REDIC1: variants seen among roughly 807,000 people sequenced by gnomAD.
REDIC1 encodes HEI10 Interacting Protein 1.
At chr12:39,861,575 C>T in the REDIC1 span, among the ~76,000 whole-genome samples, 1 of 151,822 alleles carries the variant, frequency 6.6e-6, no homozygotes, top group Non-Finnish European at 1.5e-5. Flanking sequence ...TTGGCTAGCT[C>T]TTATGAGAAA....
chr12:39,710,892 CT>C, the REDIC1 span, among the ~76,000 whole-genome samples: 1 of 149,614 alleles, frequency 6.7e-6, no homozygotes, highest in Non-Finnish European at 1.5e-5. Flanking sequence ...TTTCAGTATT[CT>C]TTTTTTTTAA....
the REDIC1 span, among the ~76,000 whole-genome samples, chr12:39,864,400 T>C: frequency 2.0e-5 from 3 of 152,226 alleles, no homozygotes; most frequent in African/African-American, 4.8e-5. Context: ...GTTTGATTAC[T>C]GATTAAAGTT....
the REDIC1 span, among the ~76,000 whole-genome samples, chr12:39,823,251 TG>T: frequency 6.6e-6 from 1 of 152,218 alleles, no homozygotes; most frequent in African/African-American, 2.4e-5. Context: ...AAATTTATGT[TG>T]GTAAAAATTA....
At chr12:39,714,054 T>C in the REDIC1 span, among the ~76,000 whole-genome samples, 1 of 9,002 alleles carries the variant, frequency 1.1e-4, no homozygotes, top group African/African-American at 1.9e-4. Flanking sequence ...CACATGTATA[T>C]ACACGTATGT....
At chr12:39,657,721 C>G in the REDIC1 span, among the ~76,000 whole-genome samples, 1 of 152,104 alleles carries the variant, frequency 6.6e-6, no homozygotes, top group African/African-American at 2.4e-5. Context: ...GTAGCACTTT[C>G]TCTCTCATTA....
At chr12:39,647,274 A>G in the REDIC1 span, among the ~76,000 whole-genome samples, 4 of 152,196 alleles carry the variant, frequency 2.6e-5, no homozygotes, top group African/African-American at 9.6e-5. Flanking sequence ...GTGGATCCCA[A>G]GATGATTTCT....
chr12:39,651,110 C>G, the REDIC1 span, among the ~76,000 whole-genome samples: 1 of 152,026 alleles, frequency 6.6e-6, no homozygotes, highest in Non-Finnish European at 1.5e-5. Context: ...TTTTTGTATG[C>G]ATACATCTAT....
At chr12:39,714,237 A>C in the REDIC1 span, among the ~76,000 whole-genome samples, 12 of 132,364 alleles carry the variant, frequency 9.1e-5, 2 homozygotes, top group East Asian at 2.8e-3. Context: ...GCATATATGT[A>C]TATATGTATA....
chr12:39,733,942 C>A, the REDIC1 span, among the ~76,000 whole-genome samples: 1 of 152,138 alleles, frequency 6.6e-6, no homozygotes, highest in Non-Finnish European at 1.5e-5. Flanking sequence ...CCAGGCGCTA[C>A]TGGGGTATGA....
the REDIC1 span, among the ~76,000 whole-genome samples, chr12:39,780,037 G>A: frequency 6.6e-6 from 1 of 152,164 alleles, no homozygotes; most frequent in African/African-American, 2.4e-5. Flanking sequence ...TATGATAGTT[G>A]TGTTCCCAAC....
At chr12:39,712,967 GTATA>G in the REDIC1 span, among the ~76,000 whole-genome samples, 1 of 17,340 alleles carries the variant, frequency 5.8e-5, no homozygotes, top group South Asian at 1.7e-3. Context: ...GCATATACGT[GTATA>G]TGTATATATA....
chr12:39,870,342 C>T, the REDIC1 span, among the ~76,000 whole-genome samples: 139 of 152,246 alleles, frequency 9.1e-4, no homozygotes, highest in African/African-American at 3.2e-3. Flanking sequence ...ATTTCCAGCC[C>T]ACTGTGGAAA....
At chr12:39,788,425 A>G in the REDIC1 span, among the ~76,000 whole-genome samples, 3 of 152,208 alleles carry the variant, frequency 2.0e-5, no homozygotes, top group African/African-American at 4.8e-5. Context: ...AGGTGCAGCT[A>G]GCTGAGACAG....
the REDIC1 span, chr12:39,716,628 G>A: frequency 1.7e-6 from 1 of 602,856 alleles, no homozygotes; most frequent in Non-Finnish European, 2.8e-6. Flanking sequence ...AACTAATTTT[G>A]GTACATTTTA....
At chr12:39,830,531 C>G in the REDIC1 span, 2 of 1,048,724 alleles carry the variant, frequency 1.9e-6, no homozygotes, top group Non-Finnish European at 2.3e-6. Context: ...CTTTTGCTTT[C>G]CTAAACCACT....
At chr12:39,666,688 T>A in the REDIC1 span, among the ~76,000 whole-genome samples, 2 of 152,146 alleles carry the variant, frequency 1.3e-5, no homozygotes, top group Non-Finnish European at 2.9e-5. Context: ...TGTGAATCCA[T>A]CTGGTCCTGG....
At chr12:39,781,004 G>A in the REDIC1 span, among the ~76,000 whole-genome samples, 1 of 152,158 alleles carries the variant, frequency 6.6e-6, no homozygotes, top group Non-Finnish European at 1.5e-5. Flanking sequence ...ACTATAAACT[G>A]TAAGGCAGTT....
the REDIC1 span, among the ~76,000 whole-genome samples, chr12:39,648,193 A>T: frequency 6.6e-6 from 1 of 152,046 alleles, no homozygotes; most frequent in African/African-American, 2.4e-5. Flanking sequence ...TTTTAAAAAA[A>T]ATCTTGGAAT....
the REDIC1 span, among the ~76,000 whole-genome samples, chr12:39,889,774 C>CA: frequency 6.6e-6 from 1 of 152,084 alleles, no homozygotes; most frequent in African/African-American, 2.4e-5. Flanking sequence ...TCGTGATCTG[C>CA]CCGCCTTGGC....
Sources: gnomAD v4.1 joint callset for allele counts (sites outside exome capture counted in the v4.1 genomes callset) on GRCh38, gnomAD v4.1.1 for gene constraint, MANE v1.5 for transcripts, NCBI Gene and HGNC (gene_info 2026-07-23, HGNC 2026-07-21) for gene names.